MIPOL1: variants seen among roughly 807,000 people sequenced by gnomAD.
MIPOL1 encodes the protein mirror-image polydactyly 1.
MIPOL1 carries 57 observed loss-of-function variants against 60.9 expected under a neutral mutation model. The observed-to-expected ratio is 0.94, with a 90% CI of 0.76 to 1.17. The LOEUF (loss-of-function observed/expected upper bound fraction) is 1.17, where lower values mean the gene tolerates loss of function less well. MIPOL1 is among the 50% of genes most tolerant of loss of function. The pLI is 0.00. For synonymous variants in MIPOL1, 179 were observed against 168.8 expected (o/e 1.06, Z -0.47); for missense variants, 551 against 511.6 (o/e 1.08, Z -0.74).
At chr14:37,283,547 A>T (rs1250450112) in intron 6 of MIPOL1, among the ~76,000 whole-genome samples, 1 of 152,174 alleles carries the variant, frequency 6.6e-6, no homozygotes, top group Non-Finnish European at 1.5e-5. Flanking sequence ...TTTGACTTAG[A>T]TTTTTAATAT....
At chr14:37,342,321 A>G (rs2090628568) in intron 9 of MIPOL1, among the ~76,000 whole-genome samples, 1 of 151,876 alleles carries the variant, frequency 6.6e-6, no homozygotes, top group Non-Finnish European at 1.5e-5. Context: ...AGATTGTGCC[A>G]TCGCCCTCCA....
intron 12 of MIPOL1, among the ~76,000 whole-genome samples, chr14:37,513,735 G>T (rs2095347368): frequency 6.6e-6 from 1 of 152,114 alleles, no homozygotes; most frequent in Non-Finnish European, 1.5e-5. Context: ...CAAAATTTTA[G>T]ATTACAACAT....
intron 11 of MIPOL1, among the ~76,000 whole-genome samples, chr14:37,430,672 A>C (rs1408763074): frequency 6.6e-6 from 1 of 152,160 alleles, no homozygotes; most frequent in Non-Finnish European, 1.5e-5. Flanking sequence ...AACCTGCTTA[A>C]TATGAAAATC....
Position 37,443,647 on chromosome 14 carries a change from C to A in MIPOL1, c.1031+20698C>A, listed in dbSNP as rs375297153. Reference sequence around the variant, plus strand: ...GAACATAAAAGAGGATGGAATTCTTCCCAACTCAGTCAATAACATCTGTTT... The same window carrying A: ...GAACATAAAAGAGGATGGAATTCTTACCAACTCAGTCAATAACATCTGTTT... On this transcript the variant is annotated intron_variant, in intron 11 of 12. Transcript: ENST00000684589. Among the ~76,000 whole-genome samples, 13 of 151,286 alleles carry A rather than the reference C, an allele frequency of 8.6e-5. No homozygotes were observed. The South Asian group carries it at 2.3e-3, about 27-fold the overall frequency.
chr14:37,510,873 T>C (rs1308331561), intron 12 of MIPOL1, among the ~76,000 whole-genome samples: 1 of 152,132 alleles, frequency 6.6e-6, no homozygotes, highest in Admixed American at 6.6e-5. Context: ...GCATGACTTC[T>C]ATGGCTGTTC....
intron 6 of MIPOL1, among the ~76,000 whole-genome samples, chr14:37,272,131 A>T (rs1229053862): frequency 1.3e-5 from 2 of 151,594 alleles, no homozygotes; most frequent in African/African-American, 4.8e-5. Flanking sequence ...TATTTAAAAG[A>T]TGTTTAATAA....
chr14:37,334,301 A>G lies in MIPOL1; in HGVS notation c.828+25782A>G, dbSNP rs112795256. On this transcript the variant is annotated intron_variant, in intron 9 of 12. Transcript: ENST00000684589. ...AAAATATTGATAATTGAATATTTTT[A>G]ATTTTATGGAGATATGAGACCTCGA... Among the ~76,000 whole-genome samples, 332 of 152,104 alleles carry G rather than the reference A, an allele frequency of 2.2e-3. 1 individual carries two copies. Among genetic ancestry groups the G allele is most frequent in the African/African-American group, 7.5e-3 (310 of 41,564 alleles).
intron 10 of MIPOL1, among the ~76,000 whole-genome samples, chr14:37,402,476 C>T (rs2093503053): frequency 6.6e-6 from 1 of 152,100 alleles, no homozygotes; most frequent in Non-Finnish European, 1.5e-5. Flanking sequence ...GAAAGGCATG[C>T]TGAACAGTGG....
chr14:37,484,752 C>T (rs1472575116), intron 11 of MIPOL1, among the ~76,000 whole-genome samples: 5 of 152,054 alleles, frequency 3.3e-5, no homozygotes, highest in Non-Finnish European at 7.4e-5. Context: ...TTCTCTTATT[C>T]TTTCTCTGTC....
chr14:37,445,765 A>G lies in MIPOL1; in HGVS notation c.1031+22816A>G, dbSNP rs987573051. ...ACAGAACAGAGCCCTCAGAAATAAC[A>G]CCGCATATCTACAACTGTCTGATCT... On this transcript the variant is annotated intron_variant, in intron 11 of 12. Coordinates refer to ENST00000684589, the MANE Select transcript of MIPOL1 (RefSeq NM_001388067.1). 7.2e-5 allele frequency among the ~76,000 whole-genome samples: 11 copies of G among 152,000 alleles called. No individual in the cohort carries two copies. In the East Asian group the frequency reaches 9.7e-4, roughly 13 times the overall value.
intron 12 of MIPOL1, among the ~76,000 whole-genome samples, chr14:37,519,948 T>A (rs1048687174): frequency 1.3e-5 from 2 of 152,182 alleles, no homozygotes; most frequent in South Asian, 4.1e-4. Flanking sequence ...TTCACCACTT[T>A]TATCAACTGT....
intron 7 of MIPOL1, among the ~76,000 whole-genome samples, chr14:37,298,309 A>T (rs1407286833): frequency 6.6e-6 from 1 of 152,204 alleles, no homozygotes; most frequent in Non-Finnish European, 1.5e-5. Flanking sequence ...TTCAAGATGG[A>T]TTAAAGACTT....
At chr14:37,478,204 G>T (rs1266370686) in intron 11 of MIPOL1, among the ~76,000 whole-genome samples, 1 of 151,984 alleles carries the variant, frequency 6.6e-6, no homozygotes, top group African/African-American at 2.4e-5. Context: ...TAAAAATGAA[G>T]ACCTCAATCA....
chr14:37,286,820 C>G (rs1469467558), intron 7 of MIPOL1, among the ~76,000 whole-genome samples: 1 of 151,940 alleles, frequency 6.6e-6, no homozygotes, highest in Admixed American at 6.6e-5. Context: ...AATGCCTATT[C>G]CAAAATAACC....
intron 1 of MIPOL1, among the ~76,000 whole-genome samples, chr14:37,237,354 G>C (rs1011178434): frequency 6.6e-6 from 1 of 152,138 alleles, no homozygotes; most frequent in Non-Finnish European, 1.5e-5. Context: ...CACTGCACCA[G>C]GTAGGGGATG....
At chr14:37,365,784 A>G (rs999198881) in intron 9 of MIPOL1, among the ~76,000 whole-genome samples, 1 of 151,996 alleles carries the variant, frequency 6.6e-6, no homozygotes, top group African/African-American at 2.4e-5. Context: ...TAGGATTGGT[A>G]TTTGTTCTTC....
intron 3 of MIPOL1, among the ~76,000 whole-genome samples, chr14:37,255,314 T>C (rs1003347361): frequency 6.6e-6 from 1 of 151,824 alleles, no homozygotes; most frequent in Non-Finnish European, 1.5e-5. Context: ...CAATATACAT[T>C]GGTATGTAGA....
At chr14:37,447,564 C>T (rs1475849829) in intron 11 of MIPOL1, among the ~76,000 whole-genome samples, 1 of 152,106 alleles carries the variant, frequency 6.6e-6, no homozygotes, top group African/African-American at 2.4e-5. Context: ...TCACCAGGCA[C>T]TGAAATGCTT....
chr14:37,506,583 T>C (rs929110457), intron 12 of MIPOL1: 5 of 152,192 alleles, frequency 3.3e-5, no homozygotes, highest in African/African-American at 7.2e-5. Context: ...TTACACCTTA[T>C]ACAAAAATTA....
Sources: allele counts gnomAD v4.1 joint callset (sites outside exome capture counted in the v4.1 genomes callset), GRCh38; gene constraint gnomAD v4.1.1; transcripts MANE v1.5; gene names NCBI Gene and HGNC (gene_info 2026-07-23, HGNC 2026-07-21).